Variants in VWA8 observed in about 807,000 individuals in gnomAD.
The protein encoded by VWA8 is von Willebrand factor A domain-containing protein 8.
Under a neutral mutation model 241.5 loss-of-function variants are expected in VWA8, and 221 were observed. The observed-to-expected ratio is 0.91, with a 90% CI of 0.82 to 1.02. The LOEUF (loss-of-function observed/expected upper bound fraction) is 1.02. Ranked by LOEUF, VWA8 falls within the 50% of genes least tolerant of loss-of-function variation. The probability of loss-of-function intolerance (pLI) is 0.00; values close to 1 mark genes in which losing one functional copy is unlikely to be tolerated. For missense variants in VWA8, 2,322 were observed against 2,328.7 expected, an observed-to-expected ratio of 1.00 and a Z score of 0.06; for synonymous variants, 852 against 827.1, an observed-to-expected ratio of 1.03 and a Z score of -0.52.
intron 37 of VWA8, among the ~76,000 whole-genome samples, chr13:41,629,743 T>C (rs914019559): frequency 6.6e-6 from 1 of 152,246 alleles, no homozygotes; most frequent in Admixed American, 6.5e-5. Flanking sequence ...CAGTATGTTC[T>C]ACAATGATAA....
intron 2 of VWA8, among the ~76,000 whole-genome samples, chr13:41,938,607 C>A (rs559821677): frequency 6.6e-6 from 1 of 151,222 alleles, no homozygotes; most frequent in African/African-American, 2.4e-5. Context: ...GCCAAGATTG[C>A]GCCACTGCAC....
intron 39 of VWA8, among the ~76,000 whole-genome samples, chr13:41,609,319 A>G (rs2044572481): frequency 6.6e-6 from 1 of 152,206 alleles, no homozygotes; most frequent in Non-Finnish European, 1.5e-5. Flanking sequence ...AACCGTTTTA[A>G]AACCTATTAT....
intron 43 of VWA8, among the ~76,000 whole-genome samples, chr13:41,573,486 A>AAATAAATATATATATATATATATAT: frequency 8.8e-6 from 1 of 113,600 alleles, no homozygotes; most frequent in African/African-American, 3.4e-5. Context: ...AAAAAAAAAA[A>AAATAAATATATATATATATATATAT]ATATATATAT....
chr13:41,742,180 A>C (rs999640203), intron 21 of VWA8, among the ~76,000 whole-genome samples: 1 of 152,214 alleles, frequency 6.6e-6, no homozygotes, highest in Admixed American at 6.5e-5. Flanking sequence ...GAAAATATGA[A>C]ACCATCGGAG....
chr13:41,788,007 C>T (rs1869284616), intron 17 of VWA8, among the ~76,000 whole-genome samples: 1 of 152,112 alleles, frequency 6.6e-6, no homozygotes, highest in South Asian at 2.1e-4. Flanking sequence ...CATTATCTAG[C>T]TTCGTTCTTC....
chr13:41,627,252 T>C (rs2044698239), intron 37 of VWA8, among the ~76,000 whole-genome samples: 1 of 152,156 alleles, frequency 6.6e-6, no homozygotes, highest in Non-Finnish European at 1.5e-5. Flanking sequence ...TATTAAAAAG[T>C]CAAAAAGTGG....
intron 17 of VWA8, among the ~76,000 whole-genome samples, chr13:41,806,001 T>TAAAAAAAAAAAAAAAAA (rs60826821): frequency 8.4e-6 from 1 of 118,882 alleles, no homozygotes; most frequent in Non-Finnish European, 1.8e-5. Flanking sequence ...AATTCAAAAA[T>TAAAAAAAAAAAAAAAAA]AAAAAAAAAA....
chr13:41,572,888 T>C (rs1038571726), intron 43 of VWA8, among the ~76,000 whole-genome samples: 1 of 144,022 alleles, frequency 6.9e-6, no homozygotes, highest in African/African-American at 2.6e-5. Context: ...GGCTGGCAGA[T>C]CACAAGGTCG....
intron 29 of VWA8, among the ~76,000 whole-genome samples, chr13:41,695,695 C>T (rs539031777): frequency 3.7e-4 from 56 of 152,136 alleles, no homozygotes; most frequent in Non-Finnish European, 6.0e-4. Context: ...CTCAGGGTTC[C>T]GAAGCAGTTT....
intron 8 of VWA8, among the ~76,000 whole-genome samples, chr13:41,884,956 G>T (rs1445098211): frequency 6.6e-6 from 1 of 151,844 alleles, no homozygotes; most frequent in African/African-American, 2.4e-5. Context: ...TAAGTCTCTT[G>T]CCTAAGATAG....
chr13:41,626,145 A>G (rs2044689551), intron 37 of VWA8, among the ~76,000 whole-genome samples: 3 of 151,312 alleles, frequency 2.0e-5, no homozygotes, highest in Admixed American at 2.0e-4. Flanking sequence ...TGACGAGTTA[A>G]TGGGTGCAGC....
chr13:41,908,264 G>C (rs1372943858), intron 3 of VWA8, among the ~76,000 whole-genome samples: 1 of 152,126 alleles, frequency 6.6e-6, no homozygotes. Context: ...TCAGAAGTTC[G>C]AGACCAGCCT....
Position 41,825,272 on chromosome 13 carries a change from G to A in VWA8, c.1700+5257C>T, listed in dbSNP as rs79171736. Reference sequence around the variant, plus strand: ...CACTCAATAACAAATACTTATACTCGCCAAATCAGTTATCTCCAATCATCA... The same window carrying A: ...CACTCAATAACAAATACTTATACTCACCAAATCAGTTATCTCCAATCATCA... On this transcript the variant is annotated intron_variant, in intron 14 of 44. Transcript: ENST00000379310. Among the ~76,000 whole-genome samples the A allele has an allele frequency of 6.2e-3, 947 of 152,200 alleles. 8 individuals are homozygous for A. Among genetic ancestry groups the A allele is most frequent in the African/African-American group, 0.022 (898 of 41,536 alleles).
intron 42 of VWA8, among the ~76,000 whole-genome samples, chr13:41,581,825 G>C (rs2044385028): frequency 6.6e-6 from 1 of 151,944 alleles, no homozygotes; most frequent in Non-Finnish European, 1.5e-5. Context: ...AAAAAATTAA[G>C]CCATTAAGAG....
intron 37 of VWA8, among the ~76,000 whole-genome samples, chr13:41,645,276 A>AT (rs1253550188): frequency 1.3e-5 from 2 of 152,134 alleles, no homozygotes; most frequent in Non-Finnish European, 2.9e-5. Flanking sequence ...CAAAACATTC[A>AT]TTTTTCAGTA....
chr13:41,621,891 G>A lies in VWA8; in HGVS notation c.4612-6807C>T, dbSNP rs180780098. On this transcript the variant is annotated intron_variant, in intron 37 of 44. Coordinates refer to ENST00000379310, the MANE Select transcript of VWA8 (RefSeq NM_015058.2). The stretch of plus-strand genomic sequence containing the variant: ...TGCCACCTGTGTGTCTTGCCAGGCC[G>A]TCTGCTGGGAAATCGGGCTGTTCAC... Among the ~76,000 whole-genome samples the A allele has an allele frequency of 1.5e-3, 235 of 152,222 alleles. 1 individual carries two copies. The highest frequency in any genetic ancestry group is 0.015 in the South Asian group (71 of 4,830).
intron 21 of VWA8, among the ~76,000 whole-genome samples, chr13:41,758,378 A>ATATC (rs1307348834): frequency 3.4e-5 from 1 of 29,770 alleles, no homozygotes; most frequent in African/African-American, 9.2e-5. Flanking sequence ...GCATATATAT[A>ATATC]TATATATATA....
chr13:41,794,814 C>G (rs1447246385), intron 17 of VWA8, among the ~76,000 whole-genome samples: 2 of 151,930 alleles, frequency 1.3e-5, no homozygotes, highest in African/African-American at 4.8e-5. Flanking sequence ...GATGGATTAA[C>G]AACTTAAATG....
intron 19 of VWA8, among the ~76,000 whole-genome samples, chr13:41,781,620 C>T (rs1035043857): frequency 6.6e-6 from 1 of 152,092 alleles, no homozygotes; most frequent in African/African-American, 2.4e-5. Flanking sequence ...AAATTCTTAC[C>T]CATCTAAAAC....
Sources: allele counts gnomAD v4.1 joint callset (sites outside exome capture counted in the v4.1 genomes callset), GRCh38; gene constraint gnomAD v4.1.1; transcripts MANE v1.5; gene names NCBI Gene and HGNC (gene_info 2026-07-23, HGNC 2026-07-21).